The following PCMTD1 variants were observed in gnomAD, a reference collection of about 807,000 sequenced individuals.
The protein encoded by PCMTD1 is protein-L-isoaspartate O-methyltransferase domain-containing protein 1.
Under a neutral mutation model 37.6 loss-of-function variants are expected in PCMTD1, and 12 were observed. That is an observed-to-expected ratio of 0.32 (90% CI 0.20 to 0.52). The LOEUF is 0.52. PCMTD1 is among the 20% of genes least tolerant of loss of function. The pLI is 0.97. For missense variants in PCMTD1, 235 were observed against 421.3 expected (o/e 0.56, Z 3.87); for synonymous variants, 117 against 135.8 (o/e 0.86, Z 0.96).
chr8:51,826,413 C>T (rs1337533420), intron 5 of PCMTD1, among the ~76,000 whole-genome samples: 1 of 152,112 alleles, frequency 6.6e-6, no homozygotes, highest in Non-Finnish European at 1.5e-5. Context: ...GGAGAAATAC[C>T]TAATGTAGGT....
chr8:51,873,959 G>T (rs1304864195), intron 1 of PCMTD1, among the ~76,000 whole-genome samples: 1 of 150,686 alleles, frequency 6.6e-6, no homozygotes, highest in African/African-American at 2.4e-5. Context: ...TGTCACCAGG[G>T]TGGAGTGCAG....
intron 1 of PCMTD1, among the ~76,000 whole-genome samples, chr8:51,876,721 T>C (rs1322443153): frequency 6.6e-6 from 1 of 152,150 alleles, no homozygotes; most frequent in Non-Finnish European, 1.5e-5. Context: ...ACTGAATACA[T>C]TTTGGGAATC....
At chr8:51,899,054 A>G, upstream of PCMTD1, 1 of 1,503,742 alleles carries the variant, frequency 6.7e-7, no homozygotes, top group South Asian at 1.3e-5. Flanking sequence ...CGGGGCCCGG[A>G]CCCGCGACTG....
Position 51,817,778 on chromosome 8 carries a change from T to A in PCMTD1, c.*2573A>T. On this transcript the variant is annotated 3_prime_UTR_variant, in exon 6 of 6. Transcript: ENST00000522514. Reference sequence around the variant, plus strand: ...ACCAAATATATTGACCAATAAGCAGTATAGATTTAAATTATCTTCTTGGGT... The same window carrying A: ...ACCAAATATATTGACCAATAAGCAGAATAGATTTAAATTATCTTCTTGGGT... 1 of 455,544 alleles carries A rather than the reference T, an allele frequency of 2.2e-6. No individual in the cohort carries two copies. Among genetic ancestry groups the A allele is most frequent in the South Asian group, 1.6e-5 (1 of 64,336 alleles). The allele number at this position is 455,544 out of a possible 1,614,324, so 28.2% of individuals were successfully genotyped here.
chr8:51,884,354 G>A (rs1376265069), intron 1 of PCMTD1, among the ~76,000 whole-genome samples: 1 of 152,214 alleles, frequency 6.6e-6, no homozygotes, highest in African/African-American at 2.4e-5. Flanking sequence ...ACTATCAGCT[G>A]ACTGGGAACA....
chr8:51,886,756 T>A (rs1046171529), intron 1 of PCMTD1, among the ~76,000 whole-genome samples: 1 of 152,204 alleles, frequency 6.6e-6, no homozygotes, highest in Non-Finnish European at 1.5e-5. Context: ...TAGTTTTCTA[T>A]CACTGTCATA....
chr8:51,897,568 T>C (rs1347081641), intron 1 of PCMTD1, among the ~76,000 whole-genome samples: 1 of 152,270 alleles, frequency 6.6e-6, no homozygotes, highest in African/African-American at 2.4e-5. Context: ...TTATGTTTTA[T>C]GGAGTCATCT....
At chr8:51,855,601 A>C (rs569074105) in intron 2 of PCMTD1, among the ~76,000 whole-genome samples, 3 of 152,026 alleles carry the variant, frequency 2.0e-5, no homozygotes, top group South Asian at 4.2e-4. Flanking sequence ...GAAAAAACTC[A>C]GGTTCTGTTT....
At chr8:51,862,798 C>T (rs980910500) in intron 1 of PCMTD1, among the ~76,000 whole-genome samples, 1 of 152,194 alleles carries the variant, frequency 6.6e-6, no homozygotes, top group Non-Finnish European at 1.5e-5. Flanking sequence ...GAGTAGAGGA[C>T]ATACTGTGAA....
At chr8:51,892,802 T>C (rs2038953476) in intron 1 of PCMTD1, among the ~76,000 whole-genome samples, 1 of 152,220 alleles carries the variant, frequency 6.6e-6, no homozygotes, top group Non-Finnish European at 1.5e-5. Context: ...ACCTCATCTT[T>C]ATGTAAGTGG....
intron 2 of PCMTD1, 191 bp downstream of exon 2, chr8:51,860,654 G>T: frequency 1.9e-6 from 1 of 533,264 alleles, no homozygotes. Flanking sequence ...AGCTACTGTA[G>T]GTTGAGGTAA....
intron 2 of PCMTD1, among the ~76,000 whole-genome samples, chr8:51,856,046 TGG>T (rs968457054): frequency 3.3e-5 from 5 of 152,154 alleles, no homozygotes; most frequent in African/African-American, 9.7e-5. Flanking sequence ...CCTAATCTTT[TGG>T]CCTAAAGTAA....
chr8:51,870,034 C>T (rs550900054), intron 1 of PCMTD1, among the ~76,000 whole-genome samples: 2 of 152,094 alleles, frequency 1.3e-5, no homozygotes, highest in African/African-American at 4.8e-5. Flanking sequence ...TTTAAGGATG[C>T]CTTCTGGAGG....
rs564787922 is a variant in PCMTD1, at chr8:51,878,360, C to A, written c.-95-17114G>T. On this transcript the variant is annotated intron_variant, in intron 1 of 5. Coordinates refer to ENST00000522514, the MANE Select transcript of PCMTD1 (RefSeq NM_052937.4). ...CTGGGGAAGCCAAAAGATTGGACAC[C>A]CCTGGTGTACAGGAAGAAGTTCCTT... Among the ~76,000 whole-genome samples the A allele has an allele frequency of 1.9e-4, 29 of 151,602 alleles. No individual in the cohort carries two copies. The East Asian group carries it at 2.9e-3, about 15-fold the overall frequency.
intron 1 of PCMTD1, among the ~76,000 whole-genome samples, chr8:51,873,053 A>T (rs536903338): frequency 2.1e-4 from 32 of 152,346 alleles, no homozygotes; most frequent in Admixed American, 1.2e-3. Flanking sequence ...ATCTTTCCAA[A>T]GTCCAAAATG....
intron 2 of PCMTD1, among the ~76,000 whole-genome samples, chr8:51,860,280 C>T (rs2038452284): frequency 6.6e-6 from 1 of 152,228 alleles, no homozygotes; most frequent in Non-Finnish European, 1.5e-5. Flanking sequence ...ACCCAGTAAG[C>T]TCTTTGAGGG....
rs368316932 is a variant in PCMTD1, at chr8:51,852,927, T to C, written c.308-7164A>G. Among the ~76,000 whole-genome samples, 30 of 152,226 alleles carry C rather than the reference T, an allele frequency of 2.0e-4. 1 individual carries two copies. The highest frequency in any genetic ancestry group is 7.0e-4 in the African/African-American group (29 of 41,542). On this transcript the variant is annotated intron_variant, in intron 2 of 5. Transcript: ENST00000522514. ...GGGACAGGCCTCACTTCTGGAATCT[T>C]TTGTACACTGGAGAAGAAACAGGAT...
chr8:51,856,772 T>C (rs1275297551), intron 2 of PCMTD1, among the ~76,000 whole-genome samples: 2 of 152,232 alleles, frequency 1.3e-5, no homozygotes, highest in African/African-American at 2.4e-5. Flanking sequence ...TATATTGTTA[T>C]GATTTCATTT....
chr8:51,894,921 A>C (rs1323253391), intron 1 of PCMTD1, among the ~76,000 whole-genome samples: 1 of 152,230 alleles, frequency 6.6e-6, no homozygotes, highest in Non-Finnish European at 1.5e-5. Flanking sequence ...GCTTGCAAAA[A>C]AAGTTTAATT....
Sources: gnomAD v4.1 joint callset for allele counts (sites outside exome capture counted in the v4.1 genomes callset) on GRCh38, gnomAD v4.1.1 for gene constraint, MANE v1.5 for transcripts, NCBI Gene and HGNC (gene_info 2026-07-23, HGNC 2026-07-21) for gene names.